The following ROR1 variants were observed in gnomAD, a reference collection of about 807,000 sequenced individuals.
ROR1 encodes inactive tyrosine-protein kinase transmembrane receptor ROR1.
ROR1 carries 19 observed loss-of-function variants against 78.8 expected under a neutral mutation model. The ratio of observed to expected loss-of-function variants is 0.24; its 90% CI spans 0.17 to 0.35. ROR1 has a LOEUF of 0.35. ROR1 is among the 10% of genes least tolerant of loss of function. ROR1 has a pLI of 1.00. For missense variants in ROR1, 917 were observed against 1,177.8 expected (o/e 0.78, Z 3.24); for synonymous variants, 386 against 433.6 (o/e 0.89, Z 1.36).
At chr1:63,927,478 T>G (rs963094143) in intron 1 of ROR1, among the ~76,000 whole-genome samples, 3 of 150,980 alleles carry the variant, frequency 2.0e-5, no homozygotes, top group Non-Finnish European at 4.4e-5. Flanking sequence ...TCTCTTTTTT[T>G]GTTGTGTCTC....
intron 1 of ROR1, among the ~76,000 whole-genome samples, chr1:63,791,517 C>T (rs1007445694): frequency 6.6e-6 from 1 of 152,128 alleles, no homozygotes; most frequent in Non-Finnish European, 1.5e-5. Flanking sequence ...ACTCACTTCC[C>T]AGGCCCCTTT....
chr1:63,808,947 A>T (rs1281086425), intron 1 of ROR1, among the ~76,000 whole-genome samples: 1 of 152,118 alleles, frequency 6.6e-6, no homozygotes, highest in Non-Finnish European at 1.5e-5. Flanking sequence ...AGATGTTTTC[A>T]AAAGAGTAGA....
chr1:63,824,662 A>T (rs1557514599), intron 1 of ROR1, among the ~76,000 whole-genome samples: 1 of 152,164 alleles, frequency 6.6e-6, no homozygotes, highest in South Asian at 2.1e-4. Context: ...TGAGGCTTGG[A>T]TATGTATCCT....
At chr1:63,903,427 AT>A (rs1645501760) in intron 1 of ROR1, among the ~76,000 whole-genome samples, 1 of 148,828 alleles carries the variant, frequency 6.7e-6, no homozygotes, top group African/African-American at 2.5e-5. Flanking sequence ...TTTGTCTTCC[AT>A]TTTAGGTTTT....
intron 1 of ROR1, among the ~76,000 whole-genome samples, chr1:63,873,438 C>T (rs1226358684): frequency 6.6e-6 from 1 of 152,152 alleles, no homozygotes; most frequent in African/African-American, 2.4e-5. Context: ...CAAAAACTTG[C>T]ATTGAAGCAA....
At chr1:63,844,460 A>G (rs1412645063) in intron 1 of ROR1, among the ~76,000 whole-genome samples, 1 of 152,140 alleles carries the variant, frequency 6.6e-6, no homozygotes, top group Non-Finnish European at 1.5e-5. Flanking sequence ...TAGACTATCA[A>G]CTTTATGGGG....
chr1:63,793,269 G>A (rs1450267881), intron 1 of ROR1, among the ~76,000 whole-genome samples: 1 of 152,172 alleles, frequency 6.6e-6, no homozygotes, highest in African/African-American at 2.4e-5. Flanking sequence ...ATCTGGTGAG[G>A]CATCGTTGGC....
chr1:63,876,164 T>G (rs1228623576), intron 1 of ROR1, among the ~76,000 whole-genome samples: 2 of 152,136 alleles, frequency 1.3e-5, no homozygotes, highest in African/African-American at 4.8e-5. Flanking sequence ...GGTTTCAAAA[T>G]CTTTGCCTTG....
At chr1:64,123,788 C>T (rs1159963235) in intron 4 of ROR1, among the ~76,000 whole-genome samples, 2 of 152,062 alleles carry the variant, frequency 1.3e-5, no homozygotes, top group Admixed American at 6.6e-5. Flanking sequence ...AAATATAAGT[C>T]ATAACAGTTT....
At chr1:63,965,742 T>A (rs1646069555) in intron 1 of ROR1, among the ~76,000 whole-genome samples, 1 of 152,232 alleles carries the variant, frequency 6.6e-6, no homozygotes, top group African/African-American at 2.4e-5. Context: ...TTGATGAGAT[T>A]TATTGCTTTA....
chr1:64,039,247 G>A (rs1165099165), intron 2 of ROR1, among the ~76,000 whole-genome samples: 1 of 152,150 alleles, frequency 6.6e-6, no homozygotes, highest in African/African-American at 2.4e-5. Flanking sequence ...TTACATTCTG[G>A]GAAAACATGA....
At chr1:63,889,009 C>T (rs1462267135) in intron 1 of ROR1, among the ~76,000 whole-genome samples, 1 of 152,128 alleles carries the variant, frequency 6.6e-6, no homozygotes, top group Non-Finnish European at 1.5e-5. Flanking sequence ...GTCATGCTGT[C>T]AGCTGCATCT....
At chr1:63,862,410 A>G (rs1321467863) in intron 1 of ROR1, among the ~76,000 whole-genome samples, 7 of 151,874 alleles carry the variant, frequency 4.6e-5, no homozygotes, top group Middle Eastern at 3.4e-3. Context: ...AAAAAAAAAA[A>G]AAAAGAAATA....
chr1:63,853,598 G>A (rs1645129823), intron 1 of ROR1, among the ~76,000 whole-genome samples: 1 of 152,178 alleles, frequency 6.6e-6, no homozygotes, highest in African/African-American at 2.4e-5. Context: ...CCTGTATCTT[G>A]TATATAGTAG....
intron 1 of ROR1, among the ~76,000 whole-genome samples, chr1:63,889,356 G>A (rs1645378725): frequency 1.3e-5 from 2 of 152,160 alleles, no homozygotes; most frequent in Non-Finnish European, 2.9e-5. Context: ...GTTACCATAG[G>A]CATTATTAGC....
At chr1:63,963,259 T>C (rs1646046468) in intron 1 of ROR1, among the ~76,000 whole-genome samples, 1 of 152,190 alleles carries the variant, frequency 6.6e-6, no homozygotes, top group Non-Finnish European at 1.5e-5. Context: ...TCCTAATATC[T>C]ATTTCTCTTT....
intron 1 of ROR1, among the ~76,000 whole-genome samples, chr1:63,915,091 T>C (rs1490886283): frequency 6.6e-6 from 1 of 152,224 alleles, no homozygotes. Flanking sequence ...GTAGGTATTA[T>C]AGTCATCTTT....
At chr1:63,862,084 A>G (rs1645185604) in intron 1 of ROR1, among the ~76,000 whole-genome samples, 1 of 152,160 alleles carries the variant, frequency 6.6e-6, no homozygotes, top group Admixed American at 6.5e-5. Flanking sequence ...TGAAGTTTCA[A>G]TAAAATGCTT....
chr1:63,981,644 C>A (rs1003657711), intron 1 of ROR1, among the ~76,000 whole-genome samples: 4 of 152,018 alleles, frequency 2.6e-5, no homozygotes, highest in African/African-American at 9.7e-5. Flanking sequence ...TCCTGGGATC[C>A]TTTGGCTGGG....
Sources: gnomAD v4.1 joint callset for allele counts (sites outside exome capture counted in the v4.1 genomes callset) on GRCh38, gnomAD v4.1.1 for gene constraint, MANE v1.5 for transcripts, NCBI Gene and HGNC (gene_info 2026-07-23, HGNC 2026-07-21) for gene names.